EPB41L1: variants seen among roughly 807,000 people sequenced by gnomAD.
EPB41L1 encodes band 4.1-like protein 1.
Under a neutral mutation model 97.8 loss-of-function variants are expected in EPB41L1, and 29 were observed. The ratio of observed to expected loss-of-function variants is 0.30; its 90% CI spans 0.22 to 0.40. EPB41L1 has a LOEUF of 0.40. EPB41L1 is among the 10% of genes least tolerant of loss of function. EPB41L1 has a pLI of 1.00. For missense variants in EPB41L1, 812 were observed against 1,162.3 expected (o/e 0.70, Z 4.38); for synonymous variants, 383 against 459.2 (o/e 0.83, Z 2.12).
chr20:36,127,689 A>G (rs1201584512), intron 2 of EPB41L1, among the ~76,000 whole-genome samples: 3 of 152,090 alleles, frequency 2.0e-5, no homozygotes, highest in Admixed American at 6.6e-5. Flanking sequence ...ACCTGTAAAA[A>G]TGAAGGCATT....
chr20:36,102,045 C>CAAAAAAAA (rs534689324), intron 1 of EPB41L1, among the ~76,000 whole-genome samples: 1 of 148,842 alleles, frequency 6.7e-6, no homozygotes, highest in Middle Eastern at 3.2e-3. Context: ...ACAAAAAAAA[C>CAAAAAAAA]AAAAAAACCC....
chr20:36,231,869 G>A lies in EPB41L1; in HGVS notation c.*2529G>A, dbSNP rs949470002. 2.0e-5 allele frequency: 3 copies of A among 152,856 alleles called. No individual in the cohort carries two copies. The highest frequency in any genetic ancestry group is 4.8e-5 in the African/African-American group (2 of 41,468). The allele number at this position is 152,856 out of a possible 1,614,324, so 9.5% of individuals were successfully genotyped here. On this transcript the variant is annotated 3_prime_UTR_variant, in exon 22 of 22. Coordinates refer to ENST00000338074, the MANE Select transcript of EPB41L1 (RefSeq NM_012156.2). ...TCCCCCTCTTTCTGGGTCAAGAGCT[G>A]GAGTGGTGGCTCCATCCTCTCTGGG...
chr20:36,095,768 G>A (rs1295801301), intron 1 of EPB41L1, among the ~76,000 whole-genome samples: 1 of 152,222 alleles, frequency 6.6e-6, no homozygotes, highest in Non-Finnish European at 1.5e-5. Flanking sequence ...TATTGGCAGG[G>A]CGTGGTGGCT....
At chr20:36,120,790 A>G (rs1443843789) in intron 2 of EPB41L1, among the ~76,000 whole-genome samples, 12 of 152,098 alleles carry the variant, frequency 7.9e-5, no homozygotes, top group Admixed American at 7.9e-4. Flanking sequence ...AGAGGCACAC[A>G]TGGCAGGTAA....
At chr20:36,120,041 C>T (rs765779997) in intron 2 of EPB41L1, among the ~76,000 whole-genome samples, 12 of 152,232 alleles carry the variant, frequency 7.9e-5, no homozygotes, top group Middle Eastern at 6.8e-3. Context: ...CTGAGTCCAC[C>T]CCTGACATTG....
chr20:36,204,471 C>CTTTTTTTTTTTTTTTTTTTTTT (rs765673962), intron 14 of EPB41L1, among the ~76,000 whole-genome samples: 2 of 90,602 alleles, frequency 2.2e-5, no homozygotes, highest in African/African-American at 1.2e-4. Context: ...CGATCTGGTG[C>CTTTTTTTTTTTTTTTTTTTTTT]TTTTTTTTTT....
upstream of EPB41L1, among the ~76,000 whole-genome samples, chr20:36,153,719 C>G (rs1418423580): frequency 6.6e-6 from 1 of 152,154 alleles, no homozygotes; most frequent in Non-Finnish European, 1.5e-5. Flanking sequence ...ACAACTTGCC[C>G]AAGGGTACTT....
intron 2 of EPB41L1, among the ~76,000 whole-genome samples, chr20:36,149,662 T>C (rs192700473): frequency 6.6e-6 from 1 of 152,174 alleles, no homozygotes; most frequent in Non-Finnish European, 1.5e-5. Context: ...CCCAGAATGG[T>C]GGGTCATGCT....
In EPB41L1 at chr20:36,214,470, T is replaced by C. The variant is rs371936673; in HGVS notation, c.2268+30T>C. On this transcript the variant is annotated intron_variant, in intron 17 of 21. Coordinates refer to ENST00000338074, the MANE Select transcript of EPB41L1 (RefSeq NM_012156.2). ...GTTGAACCCAGGAGGCTTCCCTCTC[T>C]GACCAGCCCCCTGCCCCACCAAACA... 3.4e-5 allele frequency: 53 copies of C among 1,574,372 alleles called. 1 individual carries two copies. The African/African-American group carries it at 3.8e-4, about 11-fold the overall frequency.
intron 14 of EPB41L1, among the ~76,000 whole-genome samples, chr20:36,201,520 C>T (rs1452855987): frequency 1.3e-5 from 2 of 152,186 alleles, no homozygotes; most frequent in Non-Finnish European, 2.9e-5. Flanking sequence ...TTAGTTAGGG[C>T]ACGACATTCC....
At chr20:36,162,781 C>T (rs1376277919) in intron 1 of EPB41L1, among the ~76,000 whole-genome samples, 12 of 152,364 alleles carry the variant, frequency 7.9e-5, no homozygotes, top group Middle Eastern at 6.8e-3. Context: ...GAAGCCAAGG[C>T]TGATGGGTGG....
chr20:36,140,849 C>T (rs1223251941), intron 2 of EPB41L1, among the ~76,000 whole-genome samples: 1 of 152,184 alleles, frequency 6.6e-6, no homozygotes, highest in Non-Finnish European at 1.5e-5. Flanking sequence ...CACCCCCTCC[C>T]CTAATGAGAC....
rs1835869173 is a variant in EPB41L1, at chr20:36,195,755, T to A, written c.1485+391T>A. On this transcript the variant is annotated intron_variant, in intron 13 of 21. Transcript: ENST00000338074. The surrounding 1 kb of genome is among the most constrained non-coding windows in gnomAD (Gnocchi z 4.6). ...GACCCACCCCTTCCCTAGATTCATC[T>A]CCTGCCCGACAGCACTGTTTGGTCT... Among the ~76,000 whole-genome samples, 1 of 152,216 alleles carries A rather than the reference T, an allele frequency of 6.6e-6. No homozygotes were observed. Among genetic ancestry groups the A allele is most frequent in the Non-Finnish European group, 1.5e-5 (1 of 68,014 alleles).
chr20:36,128,679 GT>G (rs1569077656), intron 2 of EPB41L1, among the ~76,000 whole-genome samples: 2 of 152,230 alleles, frequency 1.3e-5, no homozygotes, highest in African/African-American at 4.8e-5. Flanking sequence ...TTAGCATGGG[GT>G]GATGGGGTTG....
intron 17 of EPB41L1, among the ~76,000 whole-genome samples, chr20:36,216,808 G>A (rs1251400631): frequency 2.6e-5 from 4 of 152,310 alleles, no homozygotes; most frequent in Non-Finnish European, 5.9e-5. Context: ...GGGCTGGAGT[G>A]CAAGGAGGTG....
chr20:36,219,075 G>GC, intron 18 of EPB41L1, 113 bp downstream of exon 18: 1 of 1,161,040 alleles, frequency 8.6e-7, no homozygotes, highest in Non-Finnish European at 1.3e-6. Context: ...ACCCTTCTAG[G>GC]TGCAAAGCCA....
At chr20:36,203,330 C>T (rs761611896) in intron 14 of EPB41L1, among the ~76,000 whole-genome samples, 3 of 152,244 alleles carry the variant, frequency 2.0e-5, no homozygotes, top group African/African-American at 4.8e-5. Flanking sequence ...ATAAGGATAA[C>T]GATATCTGCT....
chr20:36,172,504 A>G (rs2061035802), intron 1 of EPB41L1, among the ~76,000 whole-genome samples: 1 of 152,262 alleles, frequency 6.6e-6, no homozygotes, highest in Non-Finnish European at 1.5e-5. Flanking sequence ...CTTCTGCCTT[A>G]CCAACCTCTC....
At chr20:36,110,183 C>T (rs1044840286) in intron 1 of EPB41L1, among the ~76,000 whole-genome samples, 6 of 152,102 alleles carry the variant, frequency 3.9e-5, no homozygotes, top group Non-Finnish European at 4.4e-5. Context: ...TCAGGTGATC[C>T]GCCCGCCTCG....
Sources: gnomAD v4.1 joint callset for allele counts (sites outside exome capture counted in the v4.1 genomes callset) on GRCh38, gnomAD v4.1.1 for gene constraint, Gnocchi (gnomAD v3.1) non-coding constraint, MANE v1.5 for transcripts, NCBI Gene and HGNC (gene_info 2026-07-23, HGNC 2026-07-21) for gene names.